The following PLCH1 variants were observed in gnomAD, a reference collection of about 807,000 sequenced individuals.
The protein encoded by PLCH1 is phospholipase C eta 1.
PLCH1 carries 60 observed loss-of-function variants against 126.7 expected under a neutral mutation model. The observed-to-expected ratio is 0.47, with a 90% CI of 0.38 to 0.59. The LOEUF is 0.59. Ranked by LOEUF, PLCH1 falls within the 20% of genes least tolerant of loss-of-function variation. The probability of loss-of-function intolerance (pLI) is 0.00; values close to 1 mark genes in which losing one functional copy is unlikely to be tolerated. For missense variants in PLCH1, 1,723 were observed against 2,040.0 expected (o/e 0.84, Z 2.99); for synonymous variants, 719 against 734.9 (o/e 0.98, Z 0.35).
chr3:155,492,227 C>G (rs565750016), intron 18 of PLCH1, among the ~76,000 whole-genome samples: 6 of 152,132 alleles, frequency 3.9e-5, no homozygotes, highest in Admixed American at 2.6e-4. Context: ...AAACAATGGG[C>G]TAAGAGCTCT....
At chr3:155,502,443 A>T (rs2108150682) in intron 13 of PLCH1, among the ~76,000 whole-genome samples, 1 of 152,328 alleles carries the variant, frequency 6.6e-6, no homozygotes, top group Middle Eastern at 3.4e-3. Flanking sequence ...TAGTTAGGTG[A>T]AGTACTCCCT....
At chr3:155,509,231 T>C (rs1719125283) in intron 12 of PLCH1, among the ~76,000 whole-genome samples, 2 of 130,936 alleles carry the variant, frequency 1.5e-5, no homozygotes, top group African/African-American at 7.4e-5. Flanking sequence ...TGTGTCTATT[T>C]GATTCTTCTC....
intron 4 of PLCH1, among the ~76,000 whole-genome samples, chr3:155,592,227 G>A (rs1216470569): frequency 2.0e-5 from 3 of 147,630 alleles, no homozygotes; most frequent in Non-Finnish European, 4.5e-5. Context: ...GCTTACGCCT[G>A]TAATCCCAGC....
intron 10 of PLCH1, among the ~76,000 whole-genome samples, chr3:155,542,025 C>G (rs148363253): frequency 0.019 from 2,856 of 152,302 alleles, 92 homozygotes; most frequent in African/African-American, 0.065. Context: ...GAGTGCCAGA[C>G]AGTGGGCGCA....
rs1714212889 is a variant in PLCH1, at chr3:155,482,262, C to T, written c.3764G>A (p.Ser1255Asn). The change falls in exon 23 of 23, where the codon AGT (serine) becomes AAT (asparagine). Residue 1255 changes from serine to asparagine, a missense_variant. Ser to Asn is a conservative substitution (Grantham distance 46). This residue lies in a region of PLCH1 where 947 missense variants were observed against 977.1 expected (regional missense o/e 0.97). Transcript: ENST00000460012. ...CGTTGCATGTTTGGTGGTCTCAGAA[C>T]TCGAGAGTGCTATCAGCTCCGGAGA... ...CSSPELIALS[S>N]SETTKHATNT... 1 of 1,614,156 alleles carries T rather than the reference C, an allele frequency of 6.2e-7. No individual in the cohort carries two copies. The highest frequency in any genetic ancestry group is 8.5e-7 in the Non-Finnish European group (1 of 1,180,022).
At chr3:155,509,180 T>G (rs1272621836) in intron 12 of PLCH1, among the ~76,000 whole-genome samples, 1 of 139,198 alleles carries the variant, frequency 7.2e-6, no homozygotes, top group Non-Finnish European at 1.5e-5. Context: ...AGTTTGCATT[T>G]CTGTGCGATC....
intron 1 of PLCH1, among the ~76,000 whole-genome samples, chr3:155,712,045 GTT>G (rs1747159677): frequency 6.6e-6 from 1 of 151,912 alleles, no homozygotes; most frequent in Admixed American, 6.5e-5. Flanking sequence ...TCTCTTTTTT[GTT>G]TTATTTAGTT....
At chr3:155,728,843 AT>A (rs746469505) in intron 1 of PLCH1, among the ~76,000 whole-genome samples, 1 of 152,238 alleles carries the variant, frequency 6.6e-6, no homozygotes, top group Non-Finnish European at 1.5e-5. Context: ...AGGAATGAAT[AT>A]TTGGTAATTA....
chr3:155,658,256 G>T, intron 2 of PLCH1: 1 of 216,166 alleles, frequency 4.6e-6, no homozygotes. Context: ...CAAGAGGGTG[G>T]CTTTCCTGAA....
intron 1 of PLCH1, among the ~76,000 whole-genome samples, chr3:155,709,166 T>C (rs751306686): frequency 6.6e-6 from 1 of 152,242 alleles, no homozygotes; most frequent in African/African-American, 2.4e-5. Context: ...CCACAGTTTA[T>C]TTATCCACTG....
At chr3:155,698,225 A>G (rs1296498185) in intron 2 of PLCH1, among the ~76,000 whole-genome samples, 2 of 152,222 alleles carry the variant, frequency 1.3e-5, no homozygotes, top group African/African-American at 4.8e-5. Flanking sequence ...CCAGTTACAA[A>G]TGGAATGCTC....
chr3:155,709,750 TGGGACCA>T (rs149583182), intron 1 of PLCH1, among the ~76,000 whole-genome samples: 13,677 of 152,110 alleles, frequency 0.09, 840 homozygotes, highest in Middle Eastern at 0.14. Context: ...CCTGAGTAGC[TGGGACCA>T]CCAGCGTGAA....
chr3:155,527,986 G>C (rs1235067490), intron 10 of PLCH1, among the ~76,000 whole-genome samples: 1 of 151,418 alleles, frequency 6.6e-6, no homozygotes, highest in Non-Finnish European at 1.5e-5. Flanking sequence ...AACTTTGGGA[G>C]GCCAAGGAGG....
At chr3:155,513,641 T>C (rs753270775) in intron 12 of PLCH1, among the ~76,000 whole-genome samples, 9 of 152,140 alleles carry the variant, frequency 5.9e-5, no homozygotes, top group Non-Finnish European at 1.3e-4. Context: ...TTACTATTCA[T>C]AGAAATTATT....
At chr3:155,692,459 AATGG>A (rs59965316) in intron 2 of PLCH1, among the ~76,000 whole-genome samples, 11,093 of 151,696 alleles carry the variant, frequency 0.073, 812 homozygotes, top group African/African-American at 0.19. Flanking sequence ...TGAATGAATG[AATGG>A]ATGGATGGAT....
At chr3:155,527,460 T>A (rs1328659523) in intron 10 of PLCH1, among the ~76,000 whole-genome samples, 1 of 152,238 alleles carries the variant, frequency 6.6e-6, no homozygotes, top group African/African-American at 2.4e-5. Context: ...ACACCTTCCT[T>A]GATACCCAAA....
intron 2 of PLCH1, among the ~76,000 whole-genome samples, chr3:155,596,580 A>G (rs1323302475): frequency 8.3e-5 from 2 of 24,034 alleles, no homozygotes; most frequent in Non-Finnish European, 1.8e-4. Flanking sequence ...TACTAACAGA[A>G]AAAAAAAAAA....
At chr3:155,470,114 G>A (rs1213288098) in intron 21 of PLCH1, among the ~76,000 whole-genome samples, 6 of 151,806 alleles carry the variant, frequency 4.0e-5, no homozygotes, top group South Asian at 4.2e-4. Flanking sequence ...GGCTTCAGAC[G>A]ATCAAATTAC....
intron 21 of PLCH1, among the ~76,000 whole-genome samples, chr3:155,466,165 C>A (rs1449938920): frequency 2.0e-5 from 3 of 152,210 alleles, no homozygotes; most frequent in Admixed American, 2.0e-4. Flanking sequence ...GGAGTGGTCA[C>A]AGTAGGCCTT....
Sources: gnomAD v4.1 joint callset for allele counts (sites outside exome capture counted in the v4.1 genomes callset) on GRCh38, gnomAD v4.1.1 for gene constraint, gnomAD v4.1.1 regional missense constraint, MANE v1.5 for transcripts, NCBI Gene and HGNC (gene_info 2026-07-23, HGNC 2026-07-21) for gene names.